DAPK1: variants seen among roughly 807,000 people sequenced by gnomAD.
DAPK1 encodes death-associated protein kinase 1.
In DAPK1, 56 loss-of-function variants were observed where a neutral mutation model predicts 144.9. The observed-to-expected ratio is 0.39, with a 90% CI of 0.31 to 0.48. The LOEUF is 0.48. Ranked by LOEUF, DAPK1 falls within the 20% of genes least tolerant of loss-of-function variation. The pLI is 0.95. For synonymous variants in DAPK1, 690 were observed against 749.0 expected, an observed-to-expected ratio of 0.92 and a Z score of 1.29; for missense variants, 1,454 against 1,875.4, an observed-to-expected ratio of 0.78 and a Z score of 4.15.
chr9:87,700,235 T>G lies in DAPK1; in HGVS notation c.2869T>G (p.Ser957Ala). The change falls in exon 24 of 26, where the codon TCG (serine) becomes GCG (alanine). Residue 957 changes from serine (S) to alanine (A), a missense_variant and splice_region_variant. Physicochemically the swap from Ser to Ala is moderately conservative, Grantham distance 99. This residue lies in a region of DAPK1 where 1,025 missense variants were observed against 1,237.9 expected (regional missense o/e 0.83). Transcript: ENST00000408954. Reference sequence around the variant, plus strand: ...GCAAGAAATACGAAGCCAGATTGTTTCGGTAAGTACACCATGGAAAGAGCC... The same window carrying G: ...GCAAGAAATACGAAGCCAGATTGTTGCGGTAAGTACACCATGGAAAGAGCC... ...HLQEIRSQIV[S>A]VCPPMTHLCE... The G allele has an allele frequency of 6.2e-7, 1 of 1,612,182 alleles. No homozygotes were observed. Among genetic ancestry groups the G allele is most frequent in the East Asian group, 2.2e-5 (1 of 44,860 alleles).
chr9:87,582,744 G>A lies in DAPK1; in HGVS notation c.63-22210G>A, dbSNP rs543860159. ...TGATTTTTGTATTTTTAGTAGAGAC[G>A]GGGTTTCACCATCTTGGCCAGGCTG... On this transcript the variant is annotated intron_variant, in intron 2 of 25. Transcript: ENST00000408954. 2.5e-4 allele frequency among the ~76,000 whole-genome samples: 38 copies of A among 151,898 alleles called. 1 individual carries two copies. In the South Asian group the frequency reaches 6.2e-3, roughly 25 times the overall value.
At chr9:87,661,775 A>C (rs1440584679) in intron 18 of DAPK1, among the ~76,000 whole-genome samples, 1 of 152,076 alleles carries the variant, frequency 6.6e-6, no homozygotes, top group Non-Finnish European at 1.5e-5. Context: ...TCATTCTGCA[A>C]GTTGTCTGTT....
intron 3 of DAPK1, among the ~76,000 whole-genome samples, chr9:87,606,619 C>G (rs1204802896): frequency 4.6e-4 from 50 of 108,834 alleles, no homozygotes; most frequent in African/African-American, 1.6e-3. Context: ...CTCCCTCTCT[C>G]TCTCCCTCCT....
chr9:87,516,943 G>T (rs899563783), intron 2 of DAPK1, among the ~76,000 whole-genome samples: 11 of 152,126 alleles, frequency 7.2e-5, no homozygotes, highest in Middle Eastern at 3.2e-3. Context: ...AGCAGAAGGG[G>T]AGCCTGTACC....
chr9:87,661,846 T>C (rs1228347228), intron 18 of DAPK1, among the ~76,000 whole-genome samples: 1 of 152,238 alleles, frequency 6.6e-6, no homozygotes, highest in Non-Finnish European at 1.5e-5. Flanking sequence ...TGTTCGTCTA[T>C]TTTTAGTTAT....
chr9:87,554,794 C>T (rs1026637433), intron 2 of DAPK1, among the ~76,000 whole-genome samples: 5 of 152,192 alleles, frequency 3.3e-5, no homozygotes, highest in African/African-American at 2.4e-5. Flanking sequence ...CCACCCAGGC[C>T]GTGTAGCCAT....
chr9:87,508,925 C>A (rs1001896283), intron 2 of DAPK1, among the ~76,000 whole-genome samples: 5 of 152,156 alleles, frequency 3.3e-5, no homozygotes, highest in African/African-American at 1.2e-4. Flanking sequence ...GAGAAGAGGT[C>A]AGAATTTAGT....
intron 2 of DAPK1, among the ~76,000 whole-genome samples, chr9:87,509,242 A>G (rs1563965139): frequency 6.6e-6 from 1 of 152,260 alleles, no homozygotes; most frequent in Non-Finnish European, 1.5e-5. Flanking sequence ...TATAATACAC[A>G]GAAGAGCTGT....
intron 20 of DAPK1, among the ~76,000 whole-genome samples, chr9:87,682,463 A>G (rs1230636173): frequency 2.6e-5 from 4 of 152,180 alleles, no homozygotes; most frequent in African/African-American, 9.7e-5. Context: ...ATATGATGTC[A>G]CAGAAGAGCC....
intron 2 of DAPK1, among the ~76,000 whole-genome samples, chr9:87,539,087 A>G (rs919930634): frequency 6.6e-6 from 1 of 151,314 alleles, no homozygotes; most frequent in Non-Finnish European, 1.5e-5. Context: ...AAAAGCCTAC[A>G]TATATAAAAA....
intron 2 of DAPK1, among the ~76,000 whole-genome samples, chr9:87,518,965 G>A (rs548158266): frequency 6.6e-6 from 1 of 152,062 alleles, no homozygotes; most frequent in South Asian, 2.1e-4. Flanking sequence ...AGTAGAGATC[G>A]CAGGAAGCAC....
chr9:87,590,926 A>G (rs1165790665), intron 2 of DAPK1, among the ~76,000 whole-genome samples: 1 of 152,238 alleles, frequency 6.6e-6, no homozygotes, highest in Admixed American at 6.5e-5. Context: ...CAAGACCTTG[A>G]GTCCTACTTT....
At chr9:87,549,830 A>T (rs1030940533) in intron 2 of DAPK1, among the ~76,000 whole-genome samples, 1 of 152,218 alleles carries the variant, frequency 6.6e-6, no homozygotes, top group Non-Finnish European at 1.5e-5. Flanking sequence ...GGGGGAAAAA[A>T]GTATCATGAA....
chr9:87,583,898 A>G (rs1387413824), intron 2 of DAPK1, among the ~76,000 whole-genome samples: 3 of 152,208 alleles, frequency 2.0e-5, no homozygotes, highest in Non-Finnish European at 2.9e-5. Flanking sequence ...AGTAACTATG[A>G]AATAATTAAG....
At chr9:87,565,224 TGAAAAAC>T (rs1776808670) in intron 2 of DAPK1, among the ~76,000 whole-genome samples, 1 of 148,538 alleles carries the variant, frequency 6.7e-6, no homozygotes, top group Non-Finnish European at 1.5e-5. Context: ...GTTGAGAGCA[TGAAAAAC>T]GAGTGTCGAG....
intron 2 of DAPK1, among the ~76,000 whole-genome samples, chr9:87,539,663 C>T (rs1296461324): frequency 1.3e-5 from 2 of 151,906 alleles, no homozygotes; most frequent in Non-Finnish European, 2.9e-5. Flanking sequence ...GGTGATCTGC[C>T]CACCTCGGTC....
rs760941766 is a variant in DAPK1 at position 87,681,723 on chromosome 9, C to A, written c.2224+97C>A. 5.1e-5 allele frequency: 38 copies of A among 740,018 alleles called. No individual in the cohort carries two copies. In the Admixed American group the frequency reaches 7.4e-4, roughly 14 times the overall value. The allele number at this position is 740,018 out of a possible 1,614,324, so 45.8% of individuals were successfully genotyped here. A position where few individuals can be genotyped will look rare whatever the true frequency, so the allele number is the denominator to read the frequency against. On this transcript the variant is annotated intron_variant, in intron 20 of 25. Coordinates refer to ENST00000408954, the MANE Select transcript of DAPK1 (RefSeq NM_004938.4). ...GGGGGGAAGGGAGTTGTGTTTGGGT[C>A]ACTTGGCCTATACTGGACCCTGTGG...
chr9:87,703,301 G>A, intron 25 of DAPK1, 84 bp downstream of exon 25: 1 of 741,052 alleles, frequency 1.3e-6, no homozygotes, highest in South Asian at 1.6e-5. Flanking sequence ...TGGAAGTGGT[G>A]TGAGCCTGGG....
intron 2 of DAPK1, among the ~76,000 whole-genome samples, chr9:87,527,823 C>T (rs1226225807): frequency 6.6e-6 from 1 of 152,130 alleles, no homozygotes; most frequent in Non-Finnish European, 1.5e-5. Context: ...AATACTTCTT[C>T]GAAGCACACA....
Sources: gnomAD v4.1 joint callset for allele counts (sites outside exome capture counted in the v4.1 genomes callset) on GRCh38, gnomAD v4.1.1 for gene constraint, gnomAD v4.1.1 regional missense constraint, MANE v1.5 for transcripts, NCBI Gene and HGNC (gene_info 2026-07-23, HGNC 2026-07-21) for gene names.